Variants in GK observed in about 807,000 individuals in gnomAD.
GK encodes the protein ATP:glycerol 3-phosphotransferase.
Under a neutral mutation model 56.4 loss-of-function variants are expected in GK, and 9 were observed. That is an observed-to-expected ratio of 0.16 (90% CI 0.10 to 0.28). GK has a LOEUF of 0.28. Among genes scored for constraint, GK ranks in the 10% least tolerant of loss-of-function variants. The pLI is 1.00. For synonymous variants in GK, 104 were observed against 144.1 expected, an observed-to-expected ratio of 0.72 and a Z score of 1.99; for missense variants, 161 against 431.4, an observed-to-expected ratio of 0.37 and a Z score of 5.55.
intron 4 of GK, chrX:30,678,105 T>C: frequency 5.9e-6 from 3 of 506,358 alleles, no homozygotes; most frequent in Non-Finnish European, 7.2e-6. Context: ...ATTACGTGTG[T>C]TCACAGTCAT....
At chrX:30,681,902 T>C (rs1432690366) in intron 4 of GK, among the ~76,000 whole-genome samples, 2 of 111,762 alleles carry the variant, frequency 1.8e-5, no homozygotes, top group African/African-American at 3.2e-5. Context: ...GATATAGAGG[T>C]CACCAAAAGC....
intron 4 of GK, chrX:30,677,853 A>C: frequency 2.3e-6 from 1 of 429,593 alleles, no homozygotes; most frequent in Non-Finnish European, 4.0e-6. Flanking sequence ...AAAAAAAAAA[A>C]CACATGCAGT....
At chrX:30,701,056 T>A (rs1466389561) in intron 11 of GK, 151 bp downstream of exon 11, 4 of 475,741 alleles carry the variant, frequency 8.4e-6, no homozygotes, top group Admixed American at 3.3e-5. Context: ...ACCATTTTTT[T>A]ATATCTTTAA....
At chrX:30,662,705 C>T (rs1601868969) in intron 1 of GK, among the ~76,000 whole-genome samples, 1 of 105,056 alleles carries the variant, frequency 9.5e-6, no homozygotes, top group Admixed American at 1.1e-4. Flanking sequence ...CTCTCTCTTT[C>T]TCTTTTTCTT....
At chrX:30,662,543 T>C (rs1932789469) in intron 1 of GK, among the ~76,000 whole-genome samples, 1 of 111,704 alleles carries the variant, frequency 9.0e-6, no homozygotes, top group Non-Finnish European at 1.9e-5. Flanking sequence ...AATTCATTTT[T>C]AGCATAAGGG....
At chrX:30,703,058 G>A (rs1935772981) in intron 11 of GK, among the ~76,000 whole-genome samples, 1 of 112,067 alleles carries the variant, frequency 8.9e-6, no homozygotes, top group African/African-American at 3.2e-5. Flanking sequence ...AAGCTGTTGG[G>A]TTTCAATGGG....
chrX:30,672,466 A>G lies in GK; in HGVS notation c.259+4348A>G, dbSNP rs745933169. Among the ~76,000 whole-genome samples the G allele has an allele frequency of 7.2e-5, 8 of 111,225 alleles. No homozygotes were observed. In the South Asian group the frequency reaches 3.0e-3, roughly 42 times the overall value. On this transcript the variant is annotated intron_variant, in intron 3 of 20. Transcript: ENST00000427190. Reference sequence around the variant, plus strand: ...ATGTTTCCAGCAGCAGCCACATCTCATTTGCAATTTTTCTAACCCACCTCA... The same window carrying G: ...ATGTTTCCAGCAGCAGCCACATCTCGTTTGCAATTTTTCTAACCCACCTCA...
chrX:30,722,280 A>G (rs902804068), intron 18 of GK, among the ~76,000 whole-genome samples: 2 of 112,681 alleles, frequency 1.8e-5, no homozygotes, highest in Non-Finnish European at 3.7e-5. Context: ...GTATTTCACC[A>G]TCTGATATTC....
At chrX:30,717,424 C>G (rs182872623) in intron 13 of GK, among the ~76,000 whole-genome samples, 112 of 110,562 alleles carry the variant, frequency 1.0e-3, no homozygotes, top group African/African-American at 3.5e-3. Flanking sequence ...TTTTTACAAC[C>G]ATCACCACAA....
chrX:30,663,340 T>C (rs1932845297), intron 1 of GK, among the ~76,000 whole-genome samples: 1 of 112,042 alleles, frequency 8.9e-6, no homozygotes, highest in Admixed American at 9.5e-5. Context: ...AATAAGTACA[T>C]GTAATACATC....
intron 8 of GK, among the ~76,000 whole-genome samples, chrX:30,697,120 A>G (rs187129095): frequency 8.9e-6 from 1 of 112,881 alleles, no homozygotes; most frequent in Admixed American, 9.4e-5. Context: ...AAGAAACTGA[A>G]AGCAAAGAGT....
At chrX:30,715,151 A>C (rs1936550202) in intron 13 of GK, among the ~76,000 whole-genome samples, 1 of 111,835 alleles carries the variant, frequency 8.9e-6, no homozygotes, top group South Asian at 3.7e-4. Flanking sequence ...CATACTCACC[A>C]ATTTTCACCC....
At chrX:30,667,051 G>A (rs1226448811) in intron 2 of GK, among the ~76,000 whole-genome samples, 1 of 111,143 alleles carries the variant, frequency 9.0e-6, no homozygotes, top group Non-Finnish European at 1.9e-5. Context: ...CTACTCGGGA[G>A]GCTGAGGCAG....
intron 4 of GK, among the ~76,000 whole-genome samples, chrX:30,690,828 T>C (rs1601910588): frequency 8.9e-6 from 1 of 111,997 alleles, no homozygotes; most frequent in East Asian, 2.8e-4. Flanking sequence ...ATATTCCAAA[T>C]ATTTTTTGTA....
chrX:30,693,077 C>A (rs1282219972), intron 5 of GK, among the ~76,000 whole-genome samples: 4 of 89,194 alleles, frequency 4.5e-5, no homozygotes, highest in Non-Finnish European at 8.3e-5. Context: ...AGTGCAGTGG[C>A]GTCATCTTGG....
chrX:30,662,699 C>G (rs1049432159), intron 1 of GK, among the ~76,000 whole-genome samples: 25 of 108,466 alleles, frequency 2.3e-4, no homozygotes, highest in African/African-American at 8.0e-4. Flanking sequence ...CTTTCTCTCT[C>G]TCTTTCTCTT....
chrX:30,664,051 T>C (rs1326040806), intron 1 of GK, among the ~76,000 whole-genome samples: 2 of 88,144 alleles, frequency 2.3e-5, no homozygotes, highest in Admixed American at 3.0e-4. Context: ...ATATTTTATA[T>C]ATATCTATAT....
intron 7 of GK, 107 bp from the exon 8 acceptor site, chrX:30,696,510 A>G: frequency 1.7e-6 from 1 of 590,881 alleles, no homozygotes. Flanking sequence ...ATGCTCAAAA[A>G]CATCCATTTC....
At chrX:30,702,865 G>A (rs1324524126) in intron 11 of GK, among the ~76,000 whole-genome samples, 2 of 112,414 alleles carry the variant, frequency 1.8e-5, no homozygotes, top group Admixed American at 1.9e-4. Context: ...TGGCTCTCAT[G>A]CAAGAGTGTG....
Sources: gnomAD v4.1 joint callset for allele counts (sites outside exome capture counted in the v4.1 genomes callset) on GRCh38, gnomAD v4.1.1 for gene constraint, MANE v1.5 for transcripts, NCBI Gene and HGNC (gene_info 2026-07-23, HGNC 2026-07-21) for gene names.